The following CFAP299 variants were observed in gnomAD, a reference collection of about 807,000 sequenced individuals.
The protein encoded by CFAP299 is cilia- and flagella-associated protein 299.
CFAP299 carries 21 observed loss-of-function variants against 27.0 expected under a neutral mutation model. The ratio of observed to expected loss-of-function variants is 0.78; its 90% CI spans 0.55 to 1.12. The LOEUF is 1.12. CFAP299 is among the 50% of genes most tolerant of loss of function. The pLI is 0.00. For synonymous variants in CFAP299, 104 were observed against 98.1 expected (o/e 1.06, Z -0.36); for missense variants, 310 against 276.6 (o/e 1.12, Z -0.86).
chr4:80,493,452 CG>C (rs954864416), intron 2 of CFAP299, among the ~76,000 whole-genome samples: 1 of 151,904 alleles, frequency 6.6e-6, no homozygotes, highest in Non-Finnish European at 1.5e-5. Context: ...AGTGCTTTGG[CG>C]GAGTCAGGGC....
At chr4:80,631,090 A>T (rs1739181408) in intron 3 of CFAP299, among the ~76,000 whole-genome samples, 1 of 152,094 alleles carries the variant, frequency 6.6e-6, no homozygotes, top group Admixed American at 6.5e-5. Context: ...AAATAACATT[A>T]TGTTCACATC....
intron 3 of CFAP299, among the ~76,000 whole-genome samples, chr4:80,647,109 C>T (rs188934244): frequency 3.9e-5 from 6 of 151,926 alleles, no homozygotes; most frequent in Non-Finnish European, 2.9e-5. Context: ...AGTATTTTTA[C>T]TGGTAGCAGT....
chr4:80,963,489 G>T, intron 5 of CFAP299, 28 bp from the exon 6 acceptor site: 3 of 1,465,336 alleles, frequency 2.0e-6, no homozygotes, highest in Non-Finnish European at 2.8e-6. Flanking sequence ...TTATAGACTT[G>T]ACTAACAATG....
At chr4:80,474,939 C>T (rs757905965) in intron 2 of CFAP299, among the ~76,000 whole-genome samples, 23 of 152,044 alleles carry the variant, frequency 1.5e-4, no homozygotes, top group Non-Finnish European at 2.9e-4. Flanking sequence ...AAAAAGGTGA[C>T]TGGGTGACTT....
At chr4:80,543,818 T>G (rs1734110722) in intron 2 of CFAP299, among the ~76,000 whole-genome samples, 1 of 152,130 alleles carries the variant, frequency 6.6e-6, no homozygotes, top group Non-Finnish European at 1.5e-5. Context: ...GAGATTAACA[T>G]GCAAATTCAA....
chr4:80,616,426 A>G (rs1010326095), intron 3 of CFAP299, among the ~76,000 whole-genome samples: 1 of 151,904 alleles, frequency 6.6e-6, no homozygotes, highest in African/African-American at 2.4e-5. Flanking sequence ...TATATTATGT[A>G]TTATAAATAT....
At chr4:80,617,661 A>C (rs965495796) in intron 3 of CFAP299, among the ~76,000 whole-genome samples, 1 of 152,214 alleles carries the variant, frequency 6.6e-6, no homozygotes, top group African/African-American at 2.4e-5. Context: ...ACTTAATGTT[A>C]AAAGGCATTC....
chr4:80,630,501 TG>T (rs1308483023), intron 3 of CFAP299, among the ~76,000 whole-genome samples: 11 of 152,148 alleles, frequency 7.2e-5, no homozygotes, highest in Non-Finnish European at 7.4e-5. Context: ...TTAATAATAG[TG>T]TTTTTTTAAT....
chr4:80,944,762 T>G, intron 4 of CFAP299, 48 bp from the exon 5 acceptor site: 2 of 1,393,912 alleles, frequency 1.4e-6, no homozygotes, highest in African/African-American at 2.9e-5. Context: ...TATTTGTCAA[T>G]TTAATGCATT....
intron 3 of CFAP299, among the ~76,000 whole-genome samples, chr4:80,642,507 C>A (rs1423669763): frequency 6.6e-6 from 1 of 152,122 alleles, no homozygotes; most frequent in Non-Finnish European, 1.5e-5. Context: ...GGCTCACGCC[C>A]ATAATCCTAG....
intron 3 of CFAP299, among the ~76,000 whole-genome samples, chr4:80,860,351 T>C (rs1732242368): frequency 6.6e-6 from 1 of 152,178 alleles, no homozygotes. Context: ...TTGCCTTTGG[T>C]TTGAATTTCC....
At chr4:80,386,881 C>A in intron 2 of CFAP299, 1 of 847,856 alleles carries the variant, frequency 1.2e-6, no homozygotes, top group Non-Finnish European at 2.1e-6. Context: ...AATGCGGACT[C>A]GCACACCGAG....
rs1728101408 is a variant in CFAP299 at position 80,799,320 on chromosome 4, A to ATG, written c.334-70672_334-70671insGT. On this transcript the variant is annotated intron_variant, in intron 3 of 5. Coordinates refer to ENST00000358105, the MANE Select transcript of CFAP299 (RefSeq NM_152770.3). ...ATTTATATAATATTTATATATATAA[A>ATG]TATATTTATATAATATTTATATATA... 2.8e-4 allele frequency among the ~76,000 whole-genome samples: 28 copies of ATG among 99,736 alleles called. 1 individual carries two copies. The highest frequency in any genetic ancestry group is 1.2e-3 in the African/African-American group (27 of 22,720). 65.4% of individuals were successfully genotyped at this position (99,736 alleles called of 152,430 possible). A position where few individuals can be genotyped will look rare whatever the true frequency, so the allele number is the denominator to read the frequency against.
At chr4:80,501,928 C>T (rs1731771461) in intron 2 of CFAP299, among the ~76,000 whole-genome samples, 7 of 151,944 alleles carry the variant, frequency 4.6e-5, no homozygotes, top group Admixed American at 4.6e-4. Flanking sequence ...TACCCAACTG[C>T]CCAATATTTT....
intron 3 of CFAP299, among the ~76,000 whole-genome samples, chr4:80,715,108 T>C (rs981952869): frequency 6.6e-6 from 1 of 152,100 alleles, no homozygotes; most frequent in Non-Finnish European, 1.5e-5. Flanking sequence ...AAATCTTAGT[T>C]TCTCTTCTCA....
chr4:80,611,674 C>T (rs1737988465), intron 3 of CFAP299, among the ~76,000 whole-genome samples: 1 of 152,022 alleles, frequency 6.6e-6, no homozygotes, highest in Admixed American at 6.6e-5. Flanking sequence ...TTGCTTTTAG[C>T]CTGATATTTG....
At chr4:80,911,826 G>T (rs1368098640) in intron 4 of CFAP299, among the ~76,000 whole-genome samples, 1 of 152,006 alleles carries the variant, frequency 6.6e-6, no homozygotes, top group Non-Finnish European at 1.5e-5. Flanking sequence ...TTACATTCAA[G>T]AAATCTGTGT....
intron 2 of CFAP299, among the ~76,000 whole-genome samples, chr4:80,510,822 T>C (rs571627905): frequency 6.6e-6 from 1 of 152,322 alleles, no homozygotes; most frequent in South Asian, 2.1e-4. Flanking sequence ...ATTTGTAGTA[T>C]GTACAATGTT....
chr4:80,599,917 A>G lies in CFAP299; in HGVS notation c.333+16734A>G, dbSNP rs115495040. Among the ~76,000 whole-genome samples the G allele has an allele frequency of 5.8e-3, 887 of 152,252 alleles. 6 individuals are homozygous for G. The highest frequency in any genetic ancestry group is 0.02 in the African/African-American group (828 of 41,552). ...ATTATCAATGGGAAACTTAGATGTT[A>G]TATACTTGAAATTGGGATACAAAAA... On this transcript the variant is annotated intron_variant, in intron 3 of 5. Transcript: ENST00000358105.
Sources: gnomAD v4.1 joint callset for allele counts (sites outside exome capture counted in the v4.1 genomes callset) on GRCh38, gnomAD v4.1.1 for gene constraint, MANE v1.5 for transcripts, NCBI Gene and HGNC (gene_info 2026-07-23, HGNC 2026-07-21) for gene names.